CORO2B: variants seen among roughly 807,000 people sequenced by gnomAD.
CORO2B encodes coronin 2B, also known as coronin-2B.
A neutral mutation model predicts 58.8 loss-of-function variants in CORO2B; 26 were observed. That is an observed-to-expected ratio of 0.44 (90% CI 0.32 to 0.61). The LOEUF is 0.61. Among genes scored for constraint, CORO2B ranks in the 20% least tolerant of loss-of-function variants. The probability of loss-of-function intolerance (pLI) is 0.04; values close to 1 mark genes in which losing one functional copy is unlikely to be tolerated. For missense variants in CORO2B, 460 were observed against 645.1 expected (o/e 0.71, Z 3.11); for synonymous variants, 242 against 253.8 (o/e 0.95, Z 0.44).
At chr15:68,543,881 C>G in the CORO2B span, among the ~76,000 whole-genome samples, 4 of 152,184 alleles carry the variant, frequency 2.6e-5, no homozygotes, top group South Asian at 2.1e-4. Flanking sequence ...TGCCCAGCAG[C>G]CTTTCACGCT....
At chr15:68,705,966 C>G (rs995333694) in intron 3 of CORO2B, among the ~76,000 whole-genome samples, 3 of 152,168 alleles carry the variant, frequency 2.0e-5, no homozygotes, top group Non-Finnish European at 4.4e-5. Flanking sequence ...TCCACAGCCC[C>G]CCATGTGACT....
intron 1 of CORO2B, among the ~76,000 whole-genome samples, chr15:68,601,143 G>A (rs1899971606): frequency 6.6e-6 from 1 of 152,152 alleles, no homozygotes; most frequent in Admixed American, 6.5e-5. Flanking sequence ...TGGAAAAGCT[G>A]TCCAGAAAGC....
At chr15:68,605,371 A>G (rs1363520628) in intron 1 of CORO2B, among the ~76,000 whole-genome samples, 2 of 152,220 alleles carry the variant, frequency 1.3e-5, no homozygotes, top group African/African-American at 4.8e-5. Context: ...AGGCGGGGAA[A>G]AACTCTATGC....
chr15:68,672,122 TAACAGC>T (rs980549336), intron 2 of CORO2B, among the ~76,000 whole-genome samples: 11 of 150,674 alleles, frequency 7.3e-5, no homozygotes, highest in African/African-American at 2.7e-4. Flanking sequence ...ATATCTAAAG[TAACAGC>T]AACTATCCCT....
chr15:68,555,679 T>G, the CORO2B span, among the ~76,000 whole-genome samples: 1 of 152,214 alleles, frequency 6.6e-6, no homozygotes, highest in Non-Finnish European at 1.5e-5. Context: ...TGATATTAAG[T>G]TGTCACAGAA....
chr15:68,694,910 G>A (rs1892471946), intron 2 of CORO2B, among the ~76,000 whole-genome samples: 1 of 152,198 alleles, frequency 6.6e-6, no homozygotes, highest in African/African-American at 2.4e-5. Flanking sequence ...GTCCCACCAT[G>A]GCTGTGTGGC....
At chr15:68,536,474 T>G in the CORO2B span, among the ~76,000 whole-genome samples, 1 of 152,260 alleles carries the variant, frequency 6.6e-6, no homozygotes, top group Non-Finnish European at 1.5e-5. Context: ...TCAGAATCCC[T>G]GGTCTATAAT....
intron 1 of CORO2B, among the ~76,000 whole-genome samples, chr15:68,631,220 C>T (rs1900817900): frequency 6.6e-6 from 1 of 152,178 alleles, no homozygotes; most frequent in Non-Finnish European, 1.5e-5. Flanking sequence ...AAAGGCCAGC[C>T]ACTTGCCCGT....
At chr15:68,686,401 A>C (rs1596013965) in intron 2 of CORO2B, among the ~76,000 whole-genome samples, 1 of 152,270 alleles carries the variant, frequency 6.6e-6, no homozygotes, top group East Asian at 1.9e-4. Flanking sequence ...ATCCTGAAAC[A>C]GAAGCCAGCA....
chr15:68,559,723 C>A, the CORO2B span: 1 of 827,502 alleles, frequency 1.2e-6, no homozygotes, highest in Non-Finnish European at 1.5e-6. The surrounding 1 kb of genome is among the most constrained non-coding windows in gnomAD (Gnocchi z 4.3). Context: ...GGGGGACTGT[C>A]GGTGAGGCTG....
intron 1 of CORO2B, among the ~76,000 whole-genome samples, chr15:68,640,592 C>CTAGGTTT (rs2140268669): frequency 6.6e-6 from 1 of 151,578 alleles, no homozygotes; most frequent in Admixed American, 6.6e-5. Context: ...ACACATGAAC[C>CTAGGTTT]TAGGTTTCAC....
intron 2 of CORO2B, among the ~76,000 whole-genome samples, chr15:68,689,304 T>C (rs1466765292): frequency 6.6e-6 from 1 of 151,990 alleles, no homozygotes; most frequent in East Asian, 1.9e-4. Context: ...TCTAACCAGA[T>C]GGCAGGTTAG....
intron 1 of CORO2B, among the ~76,000 whole-genome samples, chr15:68,622,455 G>A (rs988017117): frequency 6.6e-6 from 1 of 152,194 alleles, no homozygotes; most frequent in Non-Finnish European, 1.5e-5. Context: ...GGATTCTCCA[G>A]TGTCATTCAG....
chr15:68,674,726 AG>A (rs1235961791), intron 2 of CORO2B, among the ~76,000 whole-genome samples: 2 of 152,226 alleles, frequency 1.3e-5, no homozygotes, highest in Non-Finnish European at 2.9e-5. Context: ...CTCACCAGGC[AG>A]GGTTGGAGTA....
intron 7 of CORO2B, among the ~76,000 whole-genome samples, 187 bp from the exon 8 acceptor site, chr15:68,715,028 C>T (rs923844721): frequency 3.3e-5 from 5 of 152,152 alleles, no homozygotes; most frequent in African/African-American, 1.2e-4. Flanking sequence ...CCATCCACCT[C>T]CACCTCTCCA....
the CORO2B span, among the ~76,000 whole-genome samples, chr15:68,563,205 T>G: frequency 1.3e-5 from 2 of 150,180 alleles, no homozygotes; most frequent in African/African-American, 4.9e-5. Flanking sequence ...GAGTAGAGAC[T>G]GGCCAGGCAC....
chr15:68,631,930 G>C, intron 1 of CORO2B: 3 of 985,458 alleles, frequency 3.0e-6, no homozygotes, highest in Non-Finnish European at 3.6e-6. Flanking sequence ...GGCCACCAGG[G>C]AGGGCCACAT....
intron 1 of CORO2B, among the ~76,000 whole-genome samples, chr15:68,637,551 C>G (rs1383395583): frequency 6.6e-6 from 1 of 152,190 alleles, no homozygotes; most frequent in Non-Finnish European, 1.5e-5. Context: ...AGTTGATACC[C>G]ACATATCACA....
At chr15:68,653,256 G>A (rs866546572) in intron 2 of CORO2B, among the ~76,000 whole-genome samples, 6 of 152,316 alleles carry the variant, frequency 3.9e-5, no homozygotes, top group Middle Eastern at 3.4e-3. Context: ...CTAGGTTTCA[G>A]TCAGAGTTCC....
Sources: gnomAD v4.1 joint callset for allele counts (sites outside exome capture counted in the v4.1 genomes callset) on GRCh38, gnomAD v4.1.1 for gene constraint, Gnocchi (gnomAD v3.1) non-coding constraint, MANE v1.5 for transcripts, NCBI Gene and HGNC (gene_info 2026-07-23, HGNC 2026-07-21) for gene names.